Variants in DLEU7 observed in about 807,000 individuals in gnomAD.
DLEU7 encodes the protein leukemia-associated protein 7.
A neutral mutation model predicts 16.0 loss-of-function variants in DLEU7; 17 were observed. That is an observed-to-expected ratio of 1.06 (90% confidence interval 0.73 to 1.59). The LOEUF (loss-of-function observed/expected upper bound fraction) is 1.59, where lower values mean the gene tolerates loss of function less well. DLEU7 is among the 40% of genes most tolerant of loss of function. The pLI, the probability that DLEU7 is intolerant of heterozygous loss-of-function variation, is 0.00. For missense variants in DLEU7, 308 were observed against 314.9 expected (o/e 0.98, Z 0.17); for synonymous variants, 113 against 139.8 (o/e 0.81, Z 1.35).
At position 50,773,079 on chromosome 13, in the gene DLEU7, G is replaced by T. The variant is rs570180885; in HGVS notation, c.460-59839C>A. Among the ~76,000 whole-genome samples the T allele has an allele frequency of 3.5e-3, 538 of 152,210 alleles. 2 individuals carry two copies. The highest frequency in any genetic ancestry group is 0.012 in the African/African-American group (493 of 41,530). ...GAATCAGATACTGAAACTTGTGCATGCGTCACGTAGTTCTCGTGCCGTGGT... is the reference window on the plus strand; with the variant it reads ...GAATCAGATACTGAAACTTGTGCATTCGTCACGTAGTTCTCGTGCCGTGGT... On this transcript the variant is annotated intron_variant, in intron 1 of 1. Coordinates refer to the DLEU7 transcript ENST00000400393.
At chr13:50,793,787 C>T (rs551473139) in intron 1 of DLEU7, among the ~76,000 whole-genome samples, 3 of 152,288 alleles carry the variant, frequency 2.0e-5, no homozygotes, top group African/African-American at 7.2e-5. Flanking sequence ...AGTATTTTCT[C>T]CCATTCTGTA....
intron 1 of DLEU7, among the ~76,000 whole-genome samples, chr13:50,799,346 T>C (rs1390052864): frequency 6.6e-6 from 1 of 152,194 alleles, no homozygotes; most frequent in African/African-American, 2.4e-5. Context: ...TGTTCCTATG[T>C]GGATTTCTTG....
intron 1 of DLEU7, among the ~76,000 whole-genome samples, chr13:50,761,743 T>C (rs1874938223): frequency 6.6e-6 from 1 of 152,180 alleles, no homozygotes; most frequent in African/African-American, 2.4e-5. Context: ...GAATTCTCTT[T>C]GACACATTAA....
chr13:50,734,255 C>A (rs1189108981), intron 1 of DLEU7, among the ~76,000 whole-genome samples: 3 of 152,048 alleles, frequency 2.0e-5, no homozygotes, highest in Non-Finnish European at 4.4e-5. Context: ...AAGCAGTGAA[C>A]TAAAGAAAAA....
At chr13:50,803,359 TTAA>T (rs1876299551) in intron 1 of DLEU7, among the ~76,000 whole-genome samples, 1 of 152,196 alleles carries the variant, frequency 6.6e-6, no homozygotes, top group Admixed American at 6.5e-5. Context: ...CTTTAGTGAA[TTAA>T]TAATGCTTTG....
At position 50,843,404 on chromosome 13, in the gene DLEU7, C is replaced by T. The variant is rs900461648; in HGVS notation, c.243G>A (p.Ala81=). Residue 81 remains alanine, a synonymous_variant, in exon 1 of 2, where the codon GCG becomes GCA. Transcript: ENST00000504404. This position sits in a 1 kb window ranked among gnomAD's most constrained non-coding sequence, Gnocchi z 5.7. The part of the protein sequence containing the change: ...GVGTRSRRTA[A]RANSPEEEVV... ...CCTCCTCCTCTGGGGAGTTCGCCCG[C>T]GCCGCGGTCCGCCGACTCCTGGTCC... 7.6e-7 allele frequency: 1 copy of T among 1,315,950 alleles called. No homozygotes were observed. The allele number at this position is 1,315,950 out of a possible 1,614,324, so 81.5% of individuals were successfully genotyped here. A position where few individuals can be genotyped will look rare whatever the true frequency, so the allele number is the denominator to read the frequency against.
chr13:50,732,606 CAA>C (rs58395582), intron 1 of DLEU7, among the ~76,000 whole-genome samples: 7 of 65,932 alleles, frequency 1.1e-4, no homozygotes, highest in Admixed American at 1.9e-4. Context: ...GACTCCATCT[CAA>C]AAAAAAAAAA....
intron 1 of DLEU7, among the ~76,000 whole-genome samples, chr13:50,800,406 A>T (rs1289059156): frequency 1.3e-5 from 2 of 152,152 alleles, no homozygotes; most frequent in Admixed American, 1.3e-4. Flanking sequence ...GTTTCAAAAA[A>T]TACACTTTGT....
intron 1 of DLEU7, among the ~76,000 whole-genome samples, chr13:50,749,371 A>C (rs548576272): frequency 6.6e-6 from 1 of 152,252 alleles, no homozygotes; most frequent in Non-Finnish European, 1.5e-5. Context: ...ACAATTTTGC[A>C]ACTGCAAATT....
intron 1 of DLEU7, among the ~76,000 whole-genome samples, chr13:50,781,347 A>G (rs541242871): frequency 6.6e-6 from 1 of 152,252 alleles, no homozygotes. Flanking sequence ...AAATGCTGTC[A>G]TCACATGTCA....
Position 50,719,927 on chromosome 13 carries a change from G to A in DLEU7, c.460-6687C>T, listed in dbSNP as rs76196354. On this transcript the variant is annotated intron_variant, in intron 1 of 1. Transcript: ENST00000400393. ...GAAGCATGCTAAAACAAGCTGACCC[G>A]AAAGTCACATTCTTCTAGTTCTCAC... Among the ~76,000 whole-genome samples the A allele has an allele frequency of 3.3e-4, 51 of 152,256 alleles. No individual in the cohort carries two copies. In the East Asian group the frequency reaches 6.4e-3, roughly 19 times the overall value.
At chr13:50,746,090 C>T (rs893884583) in intron 1 of DLEU7, among the ~76,000 whole-genome samples, 3 of 152,150 alleles carry the variant, frequency 2.0e-5, no homozygotes, top group East Asian at 1.9e-4. Context: ...TTTCCTTATT[C>T]ACACAATGGA....
chr13:50,782,221 A>G (rs1415810729), intron 1 of DLEU7, among the ~76,000 whole-genome samples: 3 of 152,218 alleles, frequency 2.0e-5, no homozygotes, highest in African/African-American at 7.2e-5. Flanking sequence ...ATCATTTTTC[A>G]TTAGTCTTTG....
chr13:50,816,019 A>C (rs1486916863), intron 1 of DLEU7, among the ~76,000 whole-genome samples: 1 of 152,158 alleles, frequency 6.6e-6, no homozygotes, highest in South Asian at 2.1e-4. Flanking sequence ...GGTCAATTAC[A>C]TCAAATGTGT....
At chr13:50,735,939 C>T (rs1288254719) in intron 1 of DLEU7, among the ~76,000 whole-genome samples, 1 of 152,140 alleles carries the variant, frequency 6.6e-6, no homozygotes, top group Non-Finnish European at 1.5e-5. Context: ...TTGTGGAAAG[C>T]AGTGTGGCTA....
intron 1 of DLEU7, among the ~76,000 whole-genome samples, chr13:50,733,321 A>G (rs1192000391): frequency 3.9e-5 from 6 of 152,166 alleles, no homozygotes; most frequent in Non-Finnish European, 8.8e-5. Context: ...TATTGCACAC[A>G]AACCAAATGT....
At chr13:50,789,008 A>C (rs1875870484) in intron 1 of DLEU7, among the ~76,000 whole-genome samples, 1 of 152,166 alleles carries the variant, frequency 6.6e-6, no homozygotes, top group Non-Finnish European at 1.5e-5. Context: ...ATGGCTGTAA[A>C]TAATGGCTTC....
intron 1 of DLEU7, among the ~76,000 whole-genome samples, chr13:50,830,962 G>T (rs1877244779): frequency 6.6e-6 from 1 of 152,082 alleles, no homozygotes; most frequent in African/African-American, 2.4e-5. Flanking sequence ...TCTGCAAAAT[G>T]GAAACAATAA....
At chr13:50,784,006 G>A (rs74078418) in intron 1 of DLEU7, among the ~76,000 whole-genome samples, 4,870 of 152,282 alleles carry the variant, frequency 0.032, 273 homozygotes, top group African/African-American at 0.11. Context: ...TTGCAAAGCC[G>A]TAAGCTCTAG....
Sources: allele counts gnomAD v4.1 joint callset (sites outside exome capture counted in the v4.1 genomes callset), GRCh38; gene constraint gnomAD v4.1.1; non-coding constraint Gnocchi (gnomAD v3.1); transcripts MANE v1.5; gene names NCBI Gene and HGNC (gene_info 2026-07-23, HGNC 2026-07-21).